The following KIF1B variants were observed in gnomAD, a reference collection of about 807,000 sequenced individuals.
KIF1B encodes the protein kinesin-like protein KIF1B.
KIF1B carries 76 observed loss-of-function variants against 241.9 expected under a neutral mutation model. That is an observed-to-expected ratio of 0.31 (90% CI 0.26 to 0.38). KIF1B has a LOEUF of 0.38. Among genes scored for constraint, KIF1B ranks in the 10% least tolerant of loss-of-function variants. KIF1B has a pLI of 1.00. For missense variants in KIF1B, 1,622 were observed against 2,271.4 expected (o/e 0.71, Z 5.81); for synonymous variants, 750 against 796.7 (o/e 0.94, Z 0.99).
chr1:10,245,638 A>AT (rs1229732343), intron 2 of KIF1B, among the ~76,000 whole-genome samples: 6 of 152,306 alleles, frequency 3.9e-5, no homozygotes, highest in Admixed American at 6.5e-5. Context: ...TGCCTTTTAG[A>AT]TTTATGAAGG....
chr1:10,334,497 T>A, intron 27 of KIF1B, 23 bp from the exon 28 acceptor site: 1 of 1,534,304 alleles, frequency 6.5e-7, no homozygotes, highest in Non-Finnish European at 9.0e-7. Context: ...TTCTGACATT[T>A]GTCTCCTGGT....
In KIF1B at chr1:10,297,036, G is replaced by A. The variant is rs543345616; in HGVS notation, c.2001G>A (p.Leu667=). The A allele has an allele frequency of 1.1e-5, 17 of 1,613,978 alleles. No individual in the cohort carries two copies. The African/African-American group carries it at 2.0e-4, about 19-fold the overall frequency. ...VDWTFAQREL[L]EKQGIDMKQE... is the part of the protein sequence containing the mutation. ...GGACATTTGCCCAGAGGGAGCTTCT[G>A]GAAAAACAAGGAATTGATATGAAAC... is the stretch of plus-strand genomic sequence containing the variant. Residue 667 remains leucine, a synonymous_variant, in exon 21 of 49, where the codon CTG becomes CTA. Coordinates refer to ENST00000676179, the MANE Select transcript of KIF1B (RefSeq NM_001365951.3).
At chr1:10,341,748 C>A (rs1025344068) in intron 32 of KIF1B, among the ~76,000 whole-genome samples, 3 of 152,052 alleles carry the variant, frequency 2.0e-5, no homozygotes, top group Admixed American at 1.3e-4. Context: ...GCAGAAGGAT[C>A]AGTTCAGCAC....
intron 17 of KIF1B, among the ~76,000 whole-genome samples, chr1:10,293,315 G>A (rs1650098706): frequency 6.6e-6 from 1 of 151,734 alleles, no homozygotes; most frequent in African/African-American, 2.4e-5. Flanking sequence ...TACAGTTTTG[G>A]TGGAATTTAA....
chr1:10,315,113 A>G (rs1313221008), intron 22 of KIF1B, among the ~76,000 whole-genome samples: 1 of 149,872 alleles, frequency 6.7e-6, no homozygotes, highest in Non-Finnish European at 1.5e-5. Context: ...AAAATTATAG[A>G]TATCATGGCA....
intron 22 of KIF1B, among the ~76,000 whole-genome samples, chr1:10,301,467 A>C (rs900184675): frequency 7.9e-5 from 12 of 152,100 alleles, no homozygotes; most frequent in Non-Finnish European, 7.4e-5. Flanking sequence ...GGAGTTCAAG[A>C]CCAGCCGGGC....
intron 27 of KIF1B, among the ~76,000 whole-genome samples, chr1:10,327,153 C>T (rs1651755044): frequency 6.6e-6 from 1 of 151,926 alleles, no homozygotes; most frequent in Admixed American, 6.6e-5. Flanking sequence ...GGTGGATAAC[C>T]TGAGGTCAGG....
chr1:10,318,764 A>G (rs1651403238), intron 22 of KIF1B, among the ~76,000 whole-genome samples: 1 of 152,164 alleles, frequency 6.6e-6, no homozygotes, highest in African/African-American at 2.4e-5. Flanking sequence ...TTAAAATGCT[A>G]TGCTTATGCT....
At chr1:10,229,017 T>C (rs952209729) in intron 1 of KIF1B, among the ~76,000 whole-genome samples, 15 of 152,102 alleles carry the variant, frequency 9.9e-5, no homozygotes, top group Non-Finnish European at 1.9e-4. Flanking sequence ...TGAGGAGAGT[T>C]AAGATGATGG....
In KIF1B at chr1:10,368,554, G is replaced by A. The variant is rs765740877; in HGVS notation, c.4824+16G>A. The stretch of plus-strand genomic sequence containing the variant: ...TGACTGTAAGGTGAGCACATTGACT[G>A]TAATTTTTAGCCAGTATGTTGATAA... On this transcript the variant is annotated intron_variant, in intron 44 of 48. Coordinates refer to ENST00000676179, the MANE Select transcript of KIF1B (RefSeq NM_001365951.3). 1.2e-6 allele frequency: 2 copies of A among 1,604,346 alleles called. No individual in the cohort carries two copies. Among genetic ancestry groups the A allele is most frequent in the East Asian group, 2.2e-5 (1 of 44,844 alleles).
chr1:10,358,042 T>A (rs977761651), intron 38 of KIF1B, among the ~76,000 whole-genome samples: 1 of 147,048 alleles, frequency 6.8e-6, no homozygotes, highest in Non-Finnish European at 1.5e-5. Flanking sequence ...TATATTTTTT[T>A]AAATTGAATT....
intron 38 of KIF1B, among the ~76,000 whole-genome samples, chr1:10,355,997 A>T (rs1234345250): frequency 3.3e-5 from 5 of 152,168 alleles, no homozygotes; most frequent in South Asian, 2.1e-4. Flanking sequence ...GAAGTTTTTT[A>T]AAAAATCTGT....
chr1:10,323,979 G>A lies in KIF1B; in HGVS notation c.2454G>A (p.Arg818=). The A allele has an allele frequency of 6.2e-7, 1 of 1,614,096 alleles. No homozygotes were observed. Among genetic ancestry groups the A allele is most frequent in the Non-Finnish European group, 8.5e-7 (1 of 1,179,980 alleles). The change falls in exon 25 of 49, where the codon AGG becomes AGA. Residue 818 remains arginine, a synonymous_variant. Transcript: ENST00000676179. The part of the protein sequence containing the change: ...PTEMEKTHED[R]PFPRTVVAVE... ...AGATGGAAAAAACTCATGAGGACAG[G>A]CCTTTCCCTCGCACAGTGGTAGCAG...
rs1638985993 is a variant in KIF1B, at chr1:10,380,183, G to C, written c.*3596G>C. On this transcript the variant is annotated 3_prime_UTR_variant, in exon 49 of 49. Transcript: ENST00000676179. ...CCTGCTGCTTATTGTCTAATTTACA[G>C]GGATATTTAATTTTGTCAGGTCTAT... 4.6e-6 allele frequency: 1 copy of C among 217,468 alleles called. No homozygotes were observed. The highest frequency in any genetic ancestry group is 9.3e-6 in the Non-Finnish European group (1 of 107,910). 13.5% of individuals were successfully genotyped at this position (217,468 alleles called of 1,614,324 possible). A position where few individuals can be genotyped will look rare whatever the true frequency, so the allele number is the denominator to read the frequency against.
intron 38 of KIF1B, among the ~76,000 whole-genome samples, chr1:10,360,269 G>A (rs1158313613): frequency 1.3e-5 from 2 of 152,086 alleles, no homozygotes; most frequent in African/African-American, 4.8e-5. Flanking sequence ...AGCTTACATA[G>A]TCTTTCTTTC....
intron 22 of KIF1B, among the ~76,000 whole-genome samples, chr1:10,308,951 T>C (rs1650953240): frequency 6.6e-6 from 1 of 152,256 alleles, no homozygotes; most frequent in African/African-American, 2.4e-5. Flanking sequence ...TGAAGTTCTT[T>C]TAAATGAAAT....
At position 10,377,496 on chromosome 1, in the gene KIF1B, C is replaced by G. The variant is rs1286237615; in HGVS notation, c.*909C>G. 3 of 227,486 alleles carry G rather than the reference C, an allele frequency of 1.3e-5. No individual in the cohort carries two copies. Among genetic ancestry groups the G allele is most frequent in the African/African-American group, 2.2e-5 (1 of 44,932 alleles). 14.1% of individuals were successfully genotyped at this position (227,486 alleles called of 1,614,324 possible). ...TTTTTTCTCTGTTGGGAGGGAAGCTCTTTTCTAGGAGTGTCTCAGTTCTGC... is the reference window on the plus strand; with the variant it reads ...TTTTTTCTCTGTTGGGAGGGAAGCTGTTTTCTAGGAGTGTCTCAGTTCTGC... On this transcript the variant is annotated 3_prime_UTR_variant, in exon 49 of 49. Coordinates refer to ENST00000676179, the MANE Select transcript of KIF1B (RefSeq NM_001365951.3).
chr1:10,287,368 C>T (rs111761371), intron 15 of KIF1B, among the ~76,000 whole-genome samples: 69 of 152,046 alleles, frequency 4.5e-4, no homozygotes, highest in African/African-American at 1.5e-3. Flanking sequence ...GGCTAATTTT[C>T]GTATTTTTAG....
At chr1:10,251,551 A>G (rs764900081) in intron 2 of KIF1B, among the ~76,000 whole-genome samples, 2 of 151,986 alleles carry the variant, frequency 1.3e-5, no homozygotes. Flanking sequence ...CCTGACCAAC[A>G]TGGTGAAACC....
Sources: gnomAD v4.1 joint callset for allele counts (sites outside exome capture counted in the v4.1 genomes callset) on GRCh38, gnomAD v4.1.1 for gene constraint, MANE v1.5 for transcripts, NCBI Gene and HGNC (gene_info 2026-07-23, HGNC 2026-07-21) for gene names.